Variants in PTPN14 observed in about 807,000 individuals in gnomAD.
PTPN14 encodes protein tyrosine phosphatase non-receptor type 14, also known as tyrosine-protein phosphatase non-receptor type 14.
A neutral mutation model predicts 126.8 loss-of-function variants in PTPN14; 53 were observed. The observed-to-expected ratio is 0.42, with a 90% CI of 0.34 to 0.53. The LOEUF (loss-of-function observed/expected upper bound fraction) is 0.53, where lower values mean the gene tolerates loss of function less well. PTPN14 is among the 20% of genes least tolerant of loss of function. PTPN14 has a pLI of 0.08. For missense variants in PTPN14, 1,257 were observed against 1,552.9 expected (o/e 0.81, Z 3.20); for synonymous variants, 630 against 599.3 (o/e 1.05, Z -0.75).
At chr1:214,519,320 G>A (rs751475738) in intron 1 of PTPN14, among the ~76,000 whole-genome samples, 1 of 152,056 alleles carries the variant, frequency 6.6e-6, no homozygotes, top group South Asian at 2.1e-4. Flanking sequence ...CCTTTATACA[G>A]CATTGCATTC....
chr1:214,486,651 G>C (rs1236908831), intron 1 of PTPN14, among the ~76,000 whole-genome samples: 1 of 152,136 alleles, frequency 6.6e-6, no homozygotes, highest in African/African-American at 2.4e-5. Flanking sequence ...AGAGGCAATG[G>C]GAGGCTAGAA....
chr1:214,419,063 C>T (rs1385725670), intron 3 of PTPN14, among the ~76,000 whole-genome samples: 9 of 152,206 alleles, frequency 5.9e-5, no homozygotes, highest in Admixed American at 5.9e-4. Context: ...GTATCACACA[C>T]AGGCGTTTAC....
Position 214,378,007 on chromosome 1 carries a change from C to G in PTPN14, c.2640G>C (p.Gly880=). 6.2e-7 allele frequency: 1 copy of G among 1,609,334 alleles called. No homozygotes were observed. Among genetic ancestry groups the G allele is most frequent in the South Asian group, 1.1e-5 (1 of 90,712 alleles). Residue 880 remains glycine (G), a synonymous_variant, in exon 14 of 19, where the codon GGG becomes GGC. Coordinates refer to ENST00000366956, the MANE Select transcript of PTPN14 (RefSeq NM_005401.5). ...TGGCATCAACTCGATTCTCTTCCCG[C>G]CCTGAGACTCGAGCCACCGAGAGCC... ...LNGLSVARVS[G]REENRVDATR...
At chr1:214,410,533 C>T (rs1417089451) in intron 5 of PTPN14, among the ~76,000 whole-genome samples, 1 of 152,130 alleles carries the variant, frequency 6.6e-6, no homozygotes, top group Admixed American at 6.6e-5. Flanking sequence ...CCTTGTGATC[C>T]GGCCGCCTAG....
chr1:214,460,829 T>G (rs61819600), intron 2 of PTPN14, among the ~76,000 whole-genome samples: 11,168 of 152,264 alleles, frequency 0.073, 511 homozygotes, highest in South Asian at 0.12. Flanking sequence ...GCATGACTGT[T>G]TGCTGACAAT....
chr1:214,520,065 A>AAAAAAAAAAAAAAAAAAT, intron 1 of PTPN14, among the ~76,000 whole-genome samples: 2 of 71,140 alleles, frequency 2.8e-5, no homozygotes, highest in Non-Finnish European at 4.8e-5. Context: ...AAAAAAAAAA[A>AAAAAAAAAAAAAAAAAAT]ATATATATAT....
At chr1:214,408,210 C>T (rs1373354580) in intron 5 of PTPN14, among the ~76,000 whole-genome samples, 1 of 152,162 alleles carries the variant, frequency 6.6e-6, no homozygotes, top group Admixed American at 6.6e-5. Context: ...AAAACAAGCA[C>T]CATTTCTTAT....
intron 1 of PTPN14, among the ~76,000 whole-genome samples, chr1:214,480,927 G>A (rs116066856): frequency 0.016 from 2,499 of 152,196 alleles, 56 homozygotes; most frequent in African/African-American, 0.056. Flanking sequence ...TATGCTGGGC[G>A]GCTGGGAAGA....
intron 2 of PTPN14, among the ~76,000 whole-genome samples, chr1:214,453,216 A>G (rs974320073): frequency 6.6e-6 from 1 of 152,262 alleles, no homozygotes; most frequent in African/African-American, 2.4e-5. Context: ...CAAAATGCCA[A>G]CCAGAGCCAA....
rs747289324 is a variant in PTPN14, at chr1:214,464,766, T to C, written c.38A>G (p.Tyr13Cys). ...FGLKLRRTRRYNVLSKNCFVT... is the reference protein window; with the variant it reads ...FGLKLRRTRRCNVLSKNCFVT... ...AAAGCAGTTCTTGCTCAGGACGTTGTAGCGCCGTGTCCGGCGGAGCTTCAG... is the reference window on the plus strand; with the variant it reads ...AAAGCAGTTCTTGCTCAGGACGTTGCAGCGCCGTGTCCGGCGGAGCTTCAG... Residue 13 changes from tyrosine to cysteine, a missense_variant, in exon 2 of 19, where the codon TAC becomes TGC. Coordinates refer to ENST00000366956, the MANE Select transcript of PTPN14 (RefSeq NM_005401.5). 1.2e-6 allele frequency: 2 copies of C among 1,614,288 alleles called. No homozygotes were observed. The highest frequency in any genetic ancestry group is 1.7e-6 in the Non-Finnish European group (2 of 1,180,048).
At chr1:214,430,565 A>T (rs1659776390) in intron 3 of PTPN14, among the ~76,000 whole-genome samples, 1 of 152,202 alleles carries the variant, frequency 6.6e-6, no homozygotes, top group African/African-American at 2.4e-5. Context: ...TACAGAGAAA[A>T]GATGGACCAC....
At chr1:214,403,967 C>T (rs1392760873) in intron 5 of PTPN14, among the ~76,000 whole-genome samples, 3 of 152,162 alleles carry the variant, frequency 2.0e-5, no homozygotes, top group Non-Finnish European at 4.4e-5. Flanking sequence ...CTGAGCTACA[C>T]CCTGATGGGT....
intron 1 of PTPN14, among the ~76,000 whole-genome samples, chr1:214,549,539 G>A (rs970788239): frequency 5.9e-5 from 9 of 152,186 alleles, no homozygotes; most frequent in African/African-American, 2.2e-4. Flanking sequence ...CGCTCATTAA[G>A]GCTGTCATTT....
rs114440187 is a variant in PTPN14, at chr1:214,474,357, C to T, written c.-154-9400G>A. ...CAAAAGAACACCCTCAGTTCATTTA[C>T]TCTGACTTTAAGTACAGTTCTTTAC... is the stretch of plus-strand genomic sequence containing the variant. On this transcript the variant is annotated intron_variant, in intron 1 of 18. Coordinates refer to ENST00000366956, the MANE Select transcript of PTPN14 (RefSeq NM_005401.5). Among the ~76,000 whole-genome samples, 165 of 152,336 alleles carry T rather than the reference C, an allele frequency of 1.1e-3. 1 individual carries two copies. The highest frequency in any genetic ancestry group is 3.5e-3 in the African/African-American group (145 of 41,570).
intron 2 of PTPN14, among the ~76,000 whole-genome samples, chr1:214,460,968 G>A (rs1272152462): frequency 6.6e-6 from 1 of 152,026 alleles, no homozygotes; most frequent in Non-Finnish European, 1.5e-5. Flanking sequence ...TGATAATGAT[G>A]TGTCAATGTA....
At chr1:214,511,747 C>G (rs570422841) in intron 1 of PTPN14, among the ~76,000 whole-genome samples, 1 of 152,288 alleles carries the variant, frequency 6.6e-6, no homozygotes, top group South Asian at 2.1e-4. Context: ...TTATTCATGG[C>G]AGGCAAAAGG....
intron 11 of PTPN14, among the ~76,000 whole-genome samples, chr1:214,387,836 C>T (rs1423418733): frequency 6.6e-6 from 1 of 152,102 alleles, no homozygotes; most frequent in East Asian, 1.9e-4. Flanking sequence ...TTCACAGCTC[C>T]ACATCAACCT....
chr1:214,439,712 C>A (rs1003320772), intron 3 of PTPN14, among the ~76,000 whole-genome samples: 1 of 152,204 alleles, frequency 6.6e-6, no homozygotes, highest in Non-Finnish European at 1.5e-5. Context: ...ATTTGAGTCA[C>A]ACCTGGTAAC....
chr1:214,475,662 A>T (rs1660851575), intron 1 of PTPN14, among the ~76,000 whole-genome samples: 1 of 151,796 alleles, frequency 6.6e-6, no homozygotes, highest in Non-Finnish European at 1.5e-5. Flanking sequence ...CAGAATGGGA[A>T]ATTCCCCATA....
Sources: gnomAD v4.1 joint callset for allele counts (sites outside exome capture counted in the v4.1 genomes callset) on GRCh38, gnomAD v4.1.1 for gene constraint, MANE v1.5 for transcripts, NCBI Gene and HGNC (gene_info 2026-07-23, HGNC 2026-07-21) for gene names.